Variants in DCDC1 observed in about 807,000 individuals in gnomAD.
DCDC1 encodes doublecortin domain-containing protein 1.
A neutral mutation model predicts 178.3 loss-of-function variants in DCDC1; 200 were observed. That is an observed-to-expected ratio of 1.12 (90% CI 1.00 to 1.26). The LOEUF is 1.26. Ranked by LOEUF, DCDC1 falls within the 50% of genes most tolerant of loss-of-function variation. DCDC1 has a pLI of 0.00. For missense variants in DCDC1, 1,983 were observed against 1,749.2 expected (o/e 1.13, Z -2.38); for synonymous variants, 690 against 604.8 (o/e 1.14, Z -2.07).
At chr11:30,899,692 G>A (rs188180358) in intron 33 of DCDC1, 50 bp from the exon 34 acceptor site, 24 of 1,253,670 alleles carry the variant, frequency 1.9e-5, no homozygotes, top group South Asian at 1.5e-4. Flanking sequence ...TTTATCACGC[G>A]CACCAATAAT....
At chr11:30,990,867 G>A (rs1950937072) in intron 20 of DCDC1, among the ~76,000 whole-genome samples, 1 of 152,174 alleles carries the variant, frequency 6.6e-6, no homozygotes, top group African/African-American at 2.4e-5. Context: ...TTATGTTCCA[G>A]TAAGTAACAT....
chr11:30,946,617 T>C (rs1426941753), intron 21 of DCDC1, among the ~76,000 whole-genome samples: 2 of 152,178 alleles, frequency 1.3e-5, no homozygotes, highest in Non-Finnish European at 2.9e-5. Context: ...AACTCATTGA[T>C]TCAATCAGTG....
At chr11:31,016,275 A>T (rs1952480973) in intron 20 of DCDC1, among the ~76,000 whole-genome samples, 1 of 152,206 alleles carries the variant, frequency 6.6e-6, no homozygotes, top group Non-Finnish European at 1.5e-5. Context: ...GTGAAAGGGG[A>T]GTAGCATGAG....
At chr11:31,103,798 T>C (rs773244705) in intron 13 of DCDC1, 29 bp from the exon 14 acceptor site, 2 of 756,204 alleles carry the variant, frequency 2.6e-6, no homozygotes, top group Admixed American at 1.8e-5. Context: ...ATCAAAACTA[T>C]CTTCAAAATT....
chr11:31,211,023 G>A (rs1254416059), intron 9 of DCDC1, among the ~76,000 whole-genome samples: 1 of 152,116 alleles, frequency 6.6e-6, no homozygotes, highest in African/African-American at 2.4e-5. Flanking sequence ...TTTTGCAAGA[G>A]GCCAAACTTA....
chr11:31,268,302 C>T (rs551211152), intron 7 of DCDC1, among the ~76,000 whole-genome samples: 1 of 152,146 alleles, frequency 6.6e-6, no homozygotes, highest in East Asian at 1.9e-4. Context: ...TTACTTCAAC[C>T]AAAATTTCAG....
chr11:31,126,274 T>C (rs935413465), intron 11 of DCDC1, among the ~76,000 whole-genome samples: 2 of 152,294 alleles, frequency 1.3e-5, no homozygotes, highest in East Asian at 1.9e-4. Context: ...CTTTGCAAAA[T>C]TGCAGAATGG....
chr11:30,927,365 T>G lies in DCDC1; in HGVS notation c.2898-1957A>C, dbSNP rs556930079. ...GAGTTCCTTGAGAGCAAGCAATGCC[T>G]TGTTCTAAAAAAAAGAAAAAAAGAA... On this transcript the variant is annotated intron_variant, in intron 22 of 38. Transcript: ENST00000684477. Among the ~76,000 whole-genome samples the G allele has an allele frequency of 9.2e-5, 14 of 151,428 alleles. No homozygotes were observed. The South Asian group carries it at 2.7e-3, about 29-fold the overall frequency.
At chr11:31,188,360 C>CA (rs901159603) in intron 9 of DCDC1, among the ~76,000 whole-genome samples, 46 of 152,122 alleles carry the variant, frequency 3.0e-4, no homozygotes, top group African/African-American at 4.8e-4. Flanking sequence ...TTCATTCATT[C>CA]AAAAAAATGA....
chr11:30,946,551 C>T (rs1281848450), intron 21 of DCDC1, among the ~76,000 whole-genome samples: 1 of 152,056 alleles, frequency 6.6e-6, no homozygotes, highest in Non-Finnish European at 1.5e-5. Flanking sequence ...TCTTTAGGGG[C>T]CAAAACAATG....
chr11:31,005,945 T>C (rs1260546402), intron 20 of DCDC1, among the ~76,000 whole-genome samples: 2 of 140,018 alleles, frequency 1.4e-5, no homozygotes, highest in East Asian at 4.1e-4. Context: ...ATATAGCTCT[T>C]ATTCCTGAAA....
chr11:31,279,313 A>G (rs1480706235), intron 7 of DCDC1, among the ~76,000 whole-genome samples: 1 of 145,938 alleles, frequency 6.9e-6, no homozygotes, highest in Non-Finnish European at 1.5e-5. Context: ...ACTATTCCCG[A>G]TCACAAATAC....
At position 31,103,771 on chromosome 11, in the gene DCDC1, T is replaced by C. The variant is rs1258254451; in HGVS notation, c.1752-2A>G. Reference sequence around the variant, plus strand: ...CCCAAAGCAAGATTTAGTGGAGATCTGAAAAACGGATAAAACATCAAAACT... The same window carrying C: ...CCCAAAGCAAGATTTAGTGGAGATCCGAAAAACGGATAAAACATCAAAACT... On this transcript the variant is annotated splice_acceptor_variant, in intron 13 of 38. Transcript: ENST00000684477. LOFTEE classifies it high-confidence loss of function. 10 of 758,970 alleles carry C rather than the reference T, an allele frequency of 1.3e-5. No homozygotes were observed. Among genetic ancestry groups the C allele is most frequent in the Middle Eastern group, 2.3e-4 (1 of 4,412 alleles). 47.0% of individuals were successfully genotyped at this position (758,970 alleles called of 1,614,324 possible).
Position 31,038,125 on chromosome 11 carries a change from G to T in DCDC1, c.2591+26344C>A, listed in dbSNP as rs1342019251. Among the ~76,000 whole-genome samples the T allele has an allele frequency of 3.3e-5, 5 of 150,762 alleles. No homozygotes were observed. The Admixed American group carries it at 3.3e-4, about 10-fold the overall frequency. On this transcript the variant is annotated intron_variant, in intron 20 of 38. Transcript: ENST00000684477. ...AGGAGATATTCCTAATGTAAATGAC[G>T]ATTTAATGGGTGCAACACCAACATG...
chr11:31,013,138 AG>A (rs374754659), intron 20 of DCDC1, among the ~76,000 whole-genome samples: 97 of 152,330 alleles, frequency 6.4e-4, no homozygotes, highest in African/African-American at 2.2e-3. Flanking sequence ...CAAACCCACC[AG>A]ATCTTTCTCC....
intron 34 of DCDC1, among the ~76,000 whole-genome samples, chr11:30,898,546 T>C (rs1590275937): frequency 1.3e-5 from 2 of 152,146 alleles, no homozygotes; most frequent in Non-Finnish European, 1.5e-5. Flanking sequence ...CCTGGGTAGA[T>C]GGTAGTAGAA....
rs1555161525 is a variant in DCDC1, at chr11:31,279,246, T to TTG, written c.960+11399_960+11400dup. Among the ~76,000 whole-genome samples the TTG allele has an allele frequency of 5.4e-3, 820 of 151,634 alleles. 9 individuals carry two copies. The highest frequency in any genetic ancestry group is 0.018 in the African/African-American group (744 of 41,384). ...ATTTTTACATTTCATTTTCTTTTTT[T>TTG]TGTGTGTGTGTGTGTGTATATCTCC... On this transcript the variant is annotated intron_variant, in intron 7 of 38. Coordinates refer to ENST00000684477, the MANE Select transcript of DCDC1 (RefSeq NM_001387274.1).
At position 31,290,806 on chromosome 11, in the gene DCDC1, C is replaced by T. The variant is rs1312979832; in HGVS notation, c.801G>A (p.Leu267=). The T allele has an allele frequency of 1.9e-6, 3 of 1,613,244 alleles. No individual in the cohort carries two copies. The highest frequency in any genetic ancestry group is 2.5e-6 in the Non-Finnish European group (3 of 1,179,454). The change falls in exon 7 of 39, where the codon TTG becomes TTA. Residue 267 remains leucine, a synonymous_variant. Coordinates refer to ENST00000684477, the MANE Select transcript of DCDC1 (RefSeq NM_001387274.1). ...IKKVTWTMNG[L]MLPTDIKRRK... ...GTCTTTTGATATCAGTAGGAAGCAT[C>T]AACCCATTCATTGTCCAAGTTACTT... is the stretch of plus-strand genomic sequence containing the variant.
intron 20 of DCDC1, among the ~76,000 whole-genome samples, chr11:31,063,498 A>G (rs1348446264): frequency 2.6e-5 from 4 of 152,232 alleles, no homozygotes; most frequent in African/African-American, 7.2e-5. Flanking sequence ...TGGCACATAT[A>G]CACCATGGAA....
Sources: allele counts gnomAD v4.1 joint callset (sites outside exome capture counted in the v4.1 genomes callset), GRCh38; gene constraint gnomAD v4.1.1; transcripts MANE v1.5; gene names NCBI Gene and HGNC (gene_info 2026-07-23, HGNC 2026-07-21).